Variants in WRN observed in about 807,000 individuals in gnomAD.
WRN encodes WRN RecQ like helicase.
WRN carries 149 observed loss-of-function variants against 180.7 expected under a neutral mutation model. The ratio of observed to expected loss-of-function variants is 0.82; its 90% CI spans 0.72 to 0.94. The LOEUF is 0.94. Among genes scored for constraint, WRN ranks in the 40% least tolerant of loss-of-function variants. The probability of loss-of-function intolerance (pLI) is 0.00; values close to 1 mark genes in which losing one functional copy is unlikely to be tolerated. For synonymous variants in WRN, 548 were observed against 568.9 expected, an observed-to-expected ratio of 0.96 and a Z score of 0.52; for missense variants, 1,661 against 1,700.1, an observed-to-expected ratio of 0.98 and a Z score of 0.40.
chr8:31,132,626 T>A, intron 24 of WRN, 120 bp downstream of exon 24: 1 of 1,384,426 alleles, frequency 7.2e-7, no homozygotes, highest in Non-Finnish European at 1.0e-6. Flanking sequence ...TAGGAACTCA[T>A]AGAGTCTTAC....
chr8:31,059,068 A>G (rs1297723179), intron 2 of WRN, 85 bp from the exon 3 acceptor site: 2 of 988,990 alleles, frequency 2.0e-6, no homozygotes, highest in Non-Finnish European at 3.3e-6. Context: ...TATAAATTGA[A>G]TGCTTCAGTG....
chr8:31,159,480 C>G (rs1803523578), intron 33 of WRN, among the ~76,000 whole-genome samples: 1 of 151,958 alleles, frequency 6.6e-6, no homozygotes, highest in African/African-American at 2.4e-5. Context: ...CTGCAATATA[C>G]TAATGTTACA....
chr8:31,111,912 C>A, intron 19 of WRN, 113 bp downstream of exon 19: 1 of 1,295,936 alleles, frequency 7.7e-7, no homozygotes, highest in Non-Finnish European at 1.1e-6. Flanking sequence ...TAACATATTT[C>A]AAATTCCACC....
intron 28 of WRN, 78 bp downstream of exon 28, chr8:31,143,701 G>A (rs1802752086): frequency 3.8e-6 from 4 of 1,052,374 alleles, no homozygotes; most frequent in South Asian, 1.4e-5. Flanking sequence ...ACTGTCAGAT[G>A]TTGGGCTATT....
intron 13 of WRN, among the ~76,000 whole-genome samples, chr8:31,089,272 G>A (rs140677720): frequency 2.0e-5 from 3 of 152,026 alleles, no homozygotes; most frequent in African/African-American, 4.8e-5. Flanking sequence ...TTCATTAAAC[G>A]AGTGTCTATG....
chr8:31,119,568 G>T (rs1028435915), intron 20 of WRN, among the ~76,000 whole-genome samples: 12 of 151,492 alleles, frequency 7.9e-5, no homozygotes, highest in African/African-American at 2.9e-4. Context: ...CATAATTTTG[G>T]CTAGATTAGT....
At chr8:31,094,643 G>T (rs916174286) in intron 16 of WRN, among the ~76,000 whole-genome samples, 1 of 152,020 alleles carries the variant, frequency 6.6e-6, no homozygotes. Context: ...CACTCTGCCC[G>T]GCCTATTATC....
chr8:31,158,093 G>T (rs775581395), intron 33 of WRN, among the ~76,000 whole-genome samples: 2 of 152,042 alleles, frequency 1.3e-5, no homozygotes, highest in Non-Finnish European at 2.9e-5. Context: ...CATCCAAAAC[G>T]TGCACTTTCA....
chr8:31,122,406 C>G (rs952047580), intron 21 of WRN, among the ~76,000 whole-genome samples: 9 of 151,988 alleles, frequency 5.9e-5, no homozygotes, highest in Non-Finnish European at 1.3e-4. Flanking sequence ...TGCCATAATT[C>G]TATCACTGAG....
At chr8:31,062,558 C>G (rs1265925546) in intron 3 of WRN, among the ~76,000 whole-genome samples, 1 of 151,678 alleles carries the variant, frequency 6.6e-6, no homozygotes, top group African/African-American at 2.4e-5. Flanking sequence ...CAGGCATGCA[C>G]CATCATGCCC....
intron 3 of WRN, among the ~76,000 whole-genome samples, chr8:31,062,747 G>A (rs1203011585): frequency 6.6e-6 from 1 of 152,092 alleles, no homozygotes; most frequent in African/African-American, 2.4e-5. Context: ...AAATGAAACA[G>A]TAAAATACAG....
rs957417981 is a variant in WRN at position 31,094,975 on chromosome 8, A to G, written c.1899-1793A>G. 2.6e-5 allele frequency among the ~76,000 whole-genome samples: 4 copies of G among 152,284 alleles called. No individual in the cohort carries two copies. The South Asian group carries it at 8.3e-4, about 32-fold the overall frequency. On this transcript the variant is annotated intron_variant, in intron 16 of 34. Transcript: ENST00000298139. Reference sequence around the variant, plus strand: ...ATACATTTTCAACGCTTTTGCATATATGCCTAAGAGTGGAATTGCTGGGCT... The same window carrying G: ...ATACATTTTCAACGCTTTTGCATATGTGCCTAAGAGTGGAATTGCTGGGCT...
intron 1 of WRN, among the ~76,000 whole-genome samples, chr8:31,049,838 CAT>C (rs770481077): frequency 2.6e-5 from 4 of 152,020 alleles, no homozygotes; most frequent in African/African-American, 4.8e-5. Context: ...CATTCCAACT[CAT>C]GTGTAATTAT....
At position 31,088,013 on chromosome 8, in the gene WRN, G is replaced by T. The variant is rs1585437198; in HGVS notation, c.1576+93G>T. ...AGTTTTGGATGGTTTGGAGGTCAGGGACTTTGTGGCATATAGTTAATTATT... is the reference window on the plus strand; with the variant it reads ...AGTTTTGGATGGTTTGGAGGTCAGGTACTTTGTGGCATATAGTTAATTATT... On this transcript the variant is annotated intron_variant, in intron 12 of 34. Transcript: ENST00000298139. 2.8e-5 allele frequency: 44 copies of T among 1,546,868 alleles called. No homozygotes were observed. The East Asian group carries it at 1.0e-3, about 37-fold the overall frequency.
chr8:31,047,592 A>G (rs1811918794), intron 1 of WRN, among the ~76,000 whole-genome samples: 4 of 152,142 alleles, frequency 2.6e-5, no homozygotes, highest in African/African-American at 7.2e-5. Flanking sequence ...GTACTGTATT[A>G]AGGGTCTAGG....
intron 18 of WRN, among the ~76,000 whole-genome samples, chr8:31,106,904 T>G (rs1233172525): frequency 6.6e-6 from 1 of 152,176 alleles, no homozygotes; most frequent in Non-Finnish European, 1.5e-5. Flanking sequence ...AATGAATGAA[T>G]GAATGATGAT....
At chr8:31,055,118 A>G (rs1424586640) in intron 1 of WRN, among the ~76,000 whole-genome samples, 4 of 152,108 alleles carry the variant, frequency 2.6e-5, no homozygotes, top group Non-Finnish European at 4.4e-5. Flanking sequence ...CTAGTCTATC[A>G]TTGATGGGCA....
chr8:31,092,166 A>G lies in WRN; in HGVS notation c.1898+268A>G, dbSNP rs191431512. ...TACTTTTTAAATCCTTCAAACTTGA[A>G]GAAATCTGTTATTCTCGGTTCTTGG... On this transcript the variant is annotated intron_variant, in intron 16 of 34. Coordinates refer to ENST00000298139, the MANE Select transcript of WRN (RefSeq NM_000553.6). Among the ~76,000 whole-genome samples the G allele has an allele frequency of 2.0e-3, 304 of 152,250 alleles. 1 individual carries two copies. The highest frequency in any genetic ancestry group is 7.1e-3 in the African/African-American group (294 of 41,560).
chr8:31,082,531 G>A (rs1813356492), intron 9 of WRN, among the ~76,000 whole-genome samples: 1 of 151,874 alleles, frequency 6.6e-6, no homozygotes, highest in Admixed American at 6.6e-5. Flanking sequence ...GATTTTCTAG[G>A]AATTTCTTAT....
Sources: gnomAD v4.1 joint callset for allele counts (sites outside exome capture counted in the v4.1 genomes callset) on GRCh38, gnomAD v4.1.1 for gene constraint, MANE v1.5 for transcripts, NCBI Gene and HGNC (gene_info 2026-07-23, HGNC 2026-07-21) for gene names.